RPS6KC1: variants seen among roughly 807,000 people sequenced by gnomAD.
The protein encoded by RPS6KC1 is ribosomal protein S6 kinase C1, also known as inactive ribosomal protein S6 kinase delta-1.
In RPS6KC1, 54 loss-of-function variants were observed where a neutral mutation model predicts 103.8. The observed-to-expected ratio is 0.52, with a 90% CI of 0.42 to 0.65. RPS6KC1 has a LOEUF of 0.65. RPS6KC1 is among the 30% of genes least tolerant of loss of function. The pLI is 0.00. For missense variants in RPS6KC1, 1,151 were observed against 1,253.8 expected (o/e 0.92, Z 1.24); for synonymous variants, 439 against 438.7 (o/e 1.00, Z -0.01).
the RPS6KC1 span, among the ~76,000 whole-genome samples, chr1:213,557,125 C>A: frequency 1.1e-3 from 168 of 152,234 alleles, no homozygotes; most frequent in Admixed American, 2.2e-3. Flanking sequence ...TCACCTTATC[C>A]CTCTACTTTT....
chr1:213,174,334 G>A (rs554871537), intron 7 of RPS6KC1, among the ~76,000 whole-genome samples: 9 of 152,282 alleles, frequency 5.9e-5, no homozygotes, highest in African/African-American at 1.4e-4. Context: ...CTGGTATGGG[G>A]TGAAGAATAG....
chr1:213,232,312 A>G, intron 10 of RPS6KC1, 57 bp downstream of exon 10: 2 of 1,604,406 alleles, frequency 1.2e-6, no homozygotes, highest in Non-Finnish European at 8.5e-7. Context: ...CTTAGCTTCC[A>G]GTTTCTCTCT....
At chr1:213,705,184 G>A in the RPS6KC1 span, among the ~76,000 whole-genome samples, 1 of 152,220 alleles carries the variant, frequency 6.6e-6, no homozygotes, top group Non-Finnish European at 1.5e-5. Flanking sequence ...AATCCAGCAA[G>A]ACCTGTGTCC....
At chr1:213,556,643 T>C in the RPS6KC1 span, among the ~76,000 whole-genome samples, 3 of 152,220 alleles carry the variant, frequency 2.0e-5, no homozygotes, top group Non-Finnish European at 4.4e-5. Context: ...GGCTGCAGAT[T>C]TAGAGGTTTG....
the RPS6KC1 span, among the ~76,000 whole-genome samples, chr1:213,789,966 C>T: frequency 9.2e-5 from 14 of 152,194 alleles, no homozygotes; most frequent in East Asian, 3.9e-4. Flanking sequence ...TGGTTTGTAA[C>T]GAAAGAGGAA....
intron 8 of RPS6KC1, among the ~76,000 whole-genome samples, chr1:213,226,039 C>T (rs1220077036): frequency 3.3e-5 from 5 of 151,756 alleles, no homozygotes; most frequent in Non-Finnish European, 7.4e-5. Context: ...CTGGCTAACA[C>T]GGTGAAACCC....
At chr1:213,817,788 A>C in the RPS6KC1 span, 1 of 150,188 alleles carries the variant, frequency 6.7e-6, no homozygotes, top group South Asian at 2.1e-4. Context: ...CGTTTTGCAG[A>C]TATTACAGTT....
chr1:213,312,609 T>A, the RPS6KC1 span, among the ~76,000 whole-genome samples: 2 of 152,192 alleles, frequency 1.3e-5, no homozygotes, highest in African/African-American at 4.8e-5. Context: ...GCATTTCTCT[T>A]GCACTGTGGA....
intron 5 of RPS6KC1, among the ~76,000 whole-genome samples, chr1:213,122,694 A>G (rs148239416): frequency 1.4e-3 from 206 of 152,222 alleles, no homozygotes; most frequent in African/African-American, 4.4e-3. Flanking sequence ...TGTTACTGGT[A>G]TTTTTCTAGG....
Position 213,167,972 on chromosome 1 carries a change from A to G in RPS6KC1, c.950A>G (p.Gln317Arg), listed in dbSNP as rs763556033. ...YGKPQLDDVSQPPGSLSSRPL... is the reference protein window; with the variant it reads ...YGKPQLDDVSRPPGSLSSRPL... ...AAACCTCAGCTTGATGATGTATCTC[A>G]GGTATGTCTCATATTTTGTTGTGTG... The change falls in exon 7 of 15, where the codon CAG becomes CGG. Residue 317 changes from glutamine (Q) to arginine (R), a missense_variant and splice_region_variant. Transcript: ENST00000366960. 3 of 1,590,356 alleles carry G rather than the reference A, an allele frequency of 1.9e-6. No homozygotes were observed. Among genetic ancestry groups the G allele is most frequent in the Non-Finnish European group, 2.6e-6 (3 of 1,159,524 alleles).
At chr1:213,213,433 A>G (rs998811604) in intron 8 of RPS6KC1, among the ~76,000 whole-genome samples, 6 of 152,188 alleles carry the variant, frequency 3.9e-5, no homozygotes, top group African/African-American at 1.4e-4. Flanking sequence ...TCTTTAGCCA[A>G]TACCACACTG....
In RPS6KC1 at chr1:213,273,059, A is replaced by C. The variant is rs2095079586; in HGVS notation, c.*425A>C. 6.3e-6 allele frequency: 1 copy of C among 159,198 alleles called. No homozygotes were observed. Among genetic ancestry groups the C allele is most frequent in the African/African-American group, 2.4e-5 (1 of 41,606 alleles). 9.9% of individuals were successfully genotyped at this position (159,198 alleles called of 1,614,324 possible). ...TATATGATTAAATTAATATTTGCTT[A>C]ATAATACACTAAAAGTATATGAACA... On this transcript the variant is annotated 3_prime_UTR_variant, in exon 15 of 15. Transcript: ENST00000366960.
chr1:213,775,428 C>T, the RPS6KC1 span, among the ~76,000 whole-genome samples: 1 of 152,134 alleles, frequency 6.6e-6, no homozygotes, highest in Non-Finnish European at 1.5e-5. Flanking sequence ...CAGACCATCA[C>T]AATAAAGCCA....
chr1:213,154,661 CTGGCCAAGGG>C (rs1480367430), intron 6 of RPS6KC1, among the ~76,000 whole-genome samples: 1 of 152,220 alleles, frequency 6.6e-6, no homozygotes, highest in Non-Finnish European at 1.5e-5. Context: ...GGGTTCCCCA[CTGGCCAAGGG>C]CAGGTCCGGA....
At chr1:213,793,876 G>T in the RPS6KC1 span, among the ~76,000 whole-genome samples, 1 of 152,036 alleles carries the variant, frequency 6.6e-6, no homozygotes, top group Non-Finnish European at 1.5e-5. Flanking sequence ...TTTTTTGTGT[G>T]TGTGTTTTGT....
chr1:213,669,914 C>G, the RPS6KC1 span, among the ~76,000 whole-genome samples: 1 of 152,108 alleles, frequency 6.6e-6, no homozygotes, highest in Non-Finnish European at 1.5e-5. Context: ...CCAGTCTGGC[C>G]CTCCCCTGGA....
the RPS6KC1 span, among the ~76,000 whole-genome samples, chr1:213,308,838 A>G: frequency 1.3e-5 from 2 of 152,214 alleles, no homozygotes; most frequent in Non-Finnish European, 2.9e-5. Flanking sequence ...ACATTTGACA[A>G]CACTAAGACA....
the RPS6KC1 span, among the ~76,000 whole-genome samples, chr1:213,400,672 G>T: frequency 6.6e-6 from 1 of 151,612 alleles, no homozygotes; most frequent in Non-Finnish European, 1.5e-5. Flanking sequence ...TATTTACATT[G>T]TTGGAAACAT....
At chr1:213,786,013 A>C in the RPS6KC1 span, among the ~76,000 whole-genome samples, 26 of 152,296 alleles carry the variant, frequency 1.7e-4, no homozygotes, top group African/African-American at 6.0e-4. Context: ...GAGATGCAAG[A>C]ATTTTGAGCC....
Sources: gnomAD v4.1 joint callset for allele counts (sites outside exome capture counted in the v4.1 genomes callset) on GRCh38, gnomAD v4.1.1 for gene constraint, MANE v1.5 for transcripts, NCBI Gene and HGNC (gene_info 2026-07-23, HGNC 2026-07-21) for gene names.